The following DMXL1 variants were observed in gnomAD, a reference collection of about 807,000 sequenced individuals.
The protein encoded by DMXL1 is Dmx like 1, also known as dmX-like protein 1.
DMXL1 carries 99 observed loss-of-function variants against 319.2 expected under a neutral mutation model. That is an observed-to-expected ratio of 0.31 (90% confidence interval 0.26 to 0.37). The LOEUF is 0.37. DMXL1 is among the 10% of genes least tolerant of loss of function. The pLI is 1.00. For missense variants in DMXL1, 3,745 were observed against 3,595.6 expected, an observed-to-expected ratio of 1.04 and a Z score of -1.06; for synonymous variants, 1,385 against 1,235.2, an observed-to-expected ratio of 1.12 and a Z score of -2.54.
chr5:119,160,646 T>G (rs909777910), intron 19 of DMXL1, among the ~76,000 whole-genome samples: 7 of 152,216 alleles, frequency 4.6e-5, no homozygotes, highest in Admixed American at 2.6e-4. Context: ...TTGTAATCTA[T>G]CTCTCCCTTT....
At chr5:119,150,446 A>G (rs2150143362) in intron 18 of DMXL1, 25 bp downstream of exon 18, 3 of 1,552,080 alleles carry the variant, frequency 1.9e-6, no homozygotes, top group Non-Finnish European at 1.7e-6. Flanking sequence ...CGTACTGATA[A>G]CATTTTTACT....
At chr5:119,234,170 GC>G (rs1175415369) in intron 39 of DMXL1, among the ~76,000 whole-genome samples, 3 of 151,932 alleles carry the variant, frequency 2.0e-5, no homozygotes, top group South Asian at 2.1e-4. Context: ...TGTTCAAACT[GC>G]CCCCCTCCCC....
intron 28 of DMXL1, 66 bp downstream of exon 28, chr5:119,178,310 A>G: frequency 6.6e-7 from 1 of 1,505,618 alleles, no homozygotes; most frequent in Non-Finnish European, 9.0e-7. Context: ...TCTCAAACGT[A>G]ATTACATTTT....
At chr5:119,199,911 T>C (rs1780386368) in intron 32 of DMXL1, among the ~76,000 whole-genome samples, 1 of 152,192 alleles carries the variant, frequency 6.6e-6, no homozygotes, top group Non-Finnish European at 1.5e-5. Context: ...TTGCCCACTT[T>C]TTAATGGTGG....
chr5:119,198,813 A>G (rs926708981), intron 32 of DMXL1, among the ~76,000 whole-genome samples: 16 of 152,238 alleles, frequency 1.1e-4, no homozygotes, highest in African/African-American at 3.6e-4. Flanking sequence ...GATCCCAGAA[A>G]TAAACTCACA....
At chr5:119,097,315 C>G (rs977538438) in intron 1 of DMXL1, among the ~76,000 whole-genome samples, 1 of 152,118 alleles carries the variant, frequency 6.6e-6, no homozygotes. Context: ...AAATATCACT[C>G]TTTGTGGAAA....
At chr5:119,156,601 CTATA>C (rs1230823941) in intron 19 of DMXL1, among the ~76,000 whole-genome samples, 1 of 151,846 alleles carries the variant, frequency 6.6e-6, no homozygotes, top group South Asian at 2.1e-4. Flanking sequence ...CATCCTTTGA[CTATA>C]TACACATAAG....
At chr5:119,076,955 A>G (rs1038669185) in intron 1 of DMXL1, among the ~76,000 whole-genome samples, 1 of 152,218 alleles carries the variant, frequency 6.6e-6, no homozygotes, top group African/African-American at 2.4e-5. Flanking sequence ...TTCATTTGTC[A>G]ATTTAATTTT....
intron 37 of DMXL1, among the ~76,000 whole-genome samples, chr5:119,223,039 T>C (rs539124679): frequency 6.6e-6 from 1 of 150,554 alleles, no homozygotes; most frequent in African/African-American, 2.4e-5. Context: ...TTATTGAAAT[T>C]ATTCATTACT....
At chr5:119,119,956 C>G (rs1761683767) in intron 8 of DMXL1, among the ~76,000 whole-genome samples, 1 of 151,936 alleles carries the variant, frequency 6.6e-6, no homozygotes, top group African/African-American at 2.4e-5. Context: ...TACCAGCTCA[C>G]TGCAACCTCT....
rs900797402 is a variant in DMXL1 at position 119,150,567 on chromosome 5, T to A, written c.4594+146T>A. On this transcript the variant is annotated intron_variant, in intron 18 of 43. Coordinates refer to ENST00000539542, the MANE Select transcript of DMXL1 (RefSeq NM_001290321.3). The stretch of plus-strand genomic sequence containing the variant: ...TCTTTGGGAGGCTGAGGCAGGAGGA[T>A]CACTTGAACCTAGGAGTTTAAGACC... 11 of 885,496 alleles carry A rather than the reference T, an allele frequency of 1.2e-5. No individual in the cohort carries two copies. The African/African-American group carries it at 1.7e-4, about 14-fold the overall frequency. 54.9% of individuals were successfully genotyped at this position (885,496 alleles called of 1,614,324 possible).
rs1233055433 is a variant in DMXL1, at chr5:119,098,201, G to A, written c.213+97G>A. The A allele has an allele frequency of 5.7e-6, 8 of 1,404,420 alleles. No homozygotes were observed. The Admixed American group carries it at 2.0e-4, about 34-fold the overall frequency. The allele number at this position is 1,404,420 out of a possible 1,614,324, so 87.0% of individuals were successfully genotyped here. ...TATTTCCTATTGAATTAGAGACTTG[G>A]CTTTGTTTCAAAGATAGTGTAGCTA... On this transcript the variant is annotated intron_variant, in intron 2 of 43. Coordinates refer to ENST00000539542, the MANE Select transcript of DMXL1 (RefSeq NM_001290321.3).
At chr5:119,097,246 G>T (rs1246997125) in intron 1 of DMXL1, among the ~76,000 whole-genome samples, 1 of 152,240 alleles carries the variant, frequency 6.6e-6, no homozygotes, top group Non-Finnish European at 1.5e-5. Context: ...TCCAAGTGCA[G>T]TGGAAAACTG....
intron 1 of DMXL1, among the ~76,000 whole-genome samples, chr5:119,096,919 T>C (rs2149776423): frequency 6.6e-6 from 1 of 152,348 alleles, no homozygotes; most frequent in South Asian, 2.1e-4. Context: ...TAAACTTGAA[T>C]CCTTCCTTTT....
chr5:119,220,682 C>T lies in DMXL1; in HGVS notation c.8135+89C>T, dbSNP rs1032668656. ...AAAACTTTCAAAAGATTCTTTAAAG[C>T]AATGTATAGATTGTAAGCAGAGTAG... On this transcript the variant is annotated intron_variant, in intron 36 of 43. Coordinates refer to ENST00000539542, the MANE Select transcript of DMXL1 (RefSeq NM_001290321.3). The T allele has an allele frequency of 2.7e-6, 4 of 1,473,882 alleles. No homozygotes were observed. The East Asian group carries it at 6.9e-5, about 25-fold the overall frequency. 91.3% of individuals were successfully genotyped at this position (1,473,882 alleles called of 1,614,324 possible). A position where few individuals can be genotyped will look rare whatever the true frequency, so the allele number is the denominator to read the frequency against.
chr5:119,157,818 T>G (rs1561752021), intron 19 of DMXL1, among the ~76,000 whole-genome samples: 1 of 152,218 alleles, frequency 6.6e-6, no homozygotes, highest in South Asian at 2.1e-4. Context: ...TTGGTATTCC[T>G]AATGAATTTT....
At chr5:119,135,964 G>A (rs1765901753) in intron 13 of DMXL1, among the ~76,000 whole-genome samples, 1 of 152,210 alleles carries the variant, frequency 6.6e-6, no homozygotes, top group Non-Finnish European at 1.5e-5. Context: ...ACAGGCAGAG[G>A]TTGGAATAGT....
chr5:119,120,936 C>T, intron 8 of DMXL1, 35 bp from the exon 9 acceptor site: 1 of 1,556,364 alleles, frequency 6.4e-7, no homozygotes, highest in Non-Finnish European at 8.7e-7. Context: ...TGACTTTTGA[C>T]AATATAGGTA....
At position 119,109,971 on chromosome 5, in the gene DMXL1, C is replaced by T. The variant is rs12518729; in HGVS notation, c.365-180C>T. 3.5e-3 allele frequency among the ~76,000 whole-genome samples: 532 copies of T among 152,330 alleles called. 18 individuals are homozygous for T. Among genetic ancestry groups the T allele is most frequent in the Admixed American group, 0.031 (473 of 15,294 alleles). On this transcript the variant is annotated intron_variant, in intron 4 of 43. Coordinates refer to ENST00000539542, the MANE Select transcript of DMXL1 (RefSeq NM_001290321.3). ...TGTTAAGTGAGAGATTATAAGATTT[C>T]TTCCTTTCTATCTCAAGCTATTTTA...
Sources: gnomAD v4.1 joint callset for allele counts (sites outside exome capture counted in the v4.1 genomes callset) on GRCh38, gnomAD v4.1.1 for gene constraint, MANE v1.5 for transcripts, NCBI Gene and HGNC (gene_info 2026-07-23, HGNC 2026-07-21) for gene names.